Variants in MIPOL1 observed in about 807,000 individuals in gnomAD.
MIPOL1 encodes the protein mirror-image polydactyly gene 1 protein.
In MIPOL1, 57 loss-of-function variants were observed where a neutral mutation model predicts 60.9. That is an observed-to-expected ratio of 0.94 (90% CI 0.76 to 1.17). The LOEUF is 1.17. Among genes scored for constraint, MIPOL1 ranks in the 50% most tolerant of loss-of-function variants. The pLI, the probability that MIPOL1 is intolerant of heterozygous loss-of-function variation, is 0.00. For synonymous variants in MIPOL1, 179 were observed against 168.8 expected, an observed-to-expected ratio of 1.06 and a Z score of -0.47; for missense variants, 551 against 511.6, an observed-to-expected ratio of 1.08 and a Z score of -0.74.
intron 11 of MIPOL1, among the ~76,000 whole-genome samples, chr14:37,470,873 A>G (rs2094678863): frequency 6.6e-6 from 1 of 152,208 alleles, no homozygotes; most frequent in African/African-American, 2.4e-5. Flanking sequence ...AATTGGTCTC[A>G]GGTCAAATAA....
chr14:37,336,902 A>G (rs1217732478), intron 9 of MIPOL1, among the ~76,000 whole-genome samples: 2 of 151,954 alleles, frequency 1.3e-5, no homozygotes, highest in Non-Finnish European at 2.9e-5. Context: ...CTGGGACTAC[A>G]GTCACGCACC....
chr14:37,377,617 C>T (rs866177435), intron 10 of MIPOL1, among the ~76,000 whole-genome samples: 1 of 152,080 alleles, frequency 6.6e-6, no homozygotes, highest in Admixed American at 6.6e-5. Context: ...GTACTACCAT[C>T]CTTCTAGGCA....
intron 3 of MIPOL1, among the ~76,000 whole-genome samples, chr14:37,256,580 A>G (rs867829650): frequency 6.6e-6 from 1 of 152,016 alleles, no homozygotes; most frequent in African/African-American, 2.4e-5. Context: ...TAATGATTAC[A>G]GTTCAGCAAA....
At chr14:37,199,084 A>G (rs1226950164) in intron 1 of MIPOL1, among the ~76,000 whole-genome samples, 1 of 152,214 alleles carries the variant, frequency 6.6e-6, no homozygotes, top group African/African-American at 2.4e-5. Flanking sequence ...TTTTCCTTCA[A>G]AGGAGTAGAG....
intron 9 of MIPOL1, among the ~76,000 whole-genome samples, chr14:37,355,078 A>C (rs911616890): frequency 6.7e-6 from 1 of 148,238 alleles, no homozygotes; most frequent in Admixed American, 6.8e-5. Flanking sequence ...CACTTCCTTC[A>C]GGAGCTCTTT....
chr14:37,539,675 A>C (rs188240044), intron 12 of MIPOL1, among the ~76,000 whole-genome samples: 1 of 152,344 alleles, frequency 6.6e-6, no homozygotes, highest in Non-Finnish European at 1.5e-5. Context: ...AATTTTCTTA[A>C]CATTTTGACA....
intron 1 of MIPOL1, among the ~76,000 whole-genome samples, chr14:37,217,921 A>C (rs1968027663): frequency 6.6e-6 from 1 of 152,202 alleles, no homozygotes; most frequent in African/African-American, 2.4e-5. Context: ...ATATGCTCTT[A>C]GTACTATGGA....
At chr14:37,536,392 C>CT (rs1410540740) in intron 12 of MIPOL1, among the ~76,000 whole-genome samples, 3 of 152,110 alleles carry the variant, frequency 2.0e-5, no homozygotes, top group Non-Finnish European at 4.4e-5. Context: ...ATTTTGATAT[C>CT]TATCAATTGA....
At chr14:37,483,466 G>C (rs1413613793) in intron 11 of MIPOL1, among the ~76,000 whole-genome samples, 4 of 151,970 alleles carry the variant, frequency 2.6e-5, no homozygotes, top group Admixed American at 2.6e-4. Context: ...TCCATGGTTG[G>C]TTGAATCCAC....
At chr14:37,397,868 G>A (rs534641037) in intron 10 of MIPOL1, among the ~76,000 whole-genome samples, 22 of 152,226 alleles carry the variant, frequency 1.4e-4, no homozygotes, top group East Asian at 7.7e-4. Flanking sequence ...TGAGCAAGCC[G>A]GGCTTAAGAA....
chr14:37,252,032 AATAT>A (rs975540558), intron 3 of MIPOL1, among the ~76,000 whole-genome samples: 1 of 151,590 alleles, frequency 6.6e-6, no homozygotes, highest in Non-Finnish European at 1.5e-5. Flanking sequence ...CTATATTGTA[AATAT>A]ATATATATTT....
At chr14:37,464,906 A>T (rs1295980379) in intron 11 of MIPOL1, among the ~76,000 whole-genome samples, 1 of 152,094 alleles carries the variant, frequency 6.6e-6, no homozygotes, top group East Asian at 1.9e-4. Flanking sequence ...TTCCATGAGT[A>T]ATTGGTTACC....
intron 12 of MIPOL1, among the ~76,000 whole-genome samples, chr14:37,526,425 A>C (rs568483620): frequency 2.3e-4 from 34 of 144,712 alleles, no homozygotes; most frequent in African/African-American, 8.5e-4. Context: ...GCTCTAGTGC[A>C]GTGGCGCAAT....
rs142463443 is a variant in MIPOL1 at position 37,514,904 on chromosome 14, G to A, written c.1262+14766G>A. On this transcript the variant is annotated intron_variant, in intron 12 of 12. Transcript: ENST00000684589. ...TAGACACGTAGGTATACTAGGTACA[G>A]CTTTTATTCCCAAAATATAATTGGG... Among the ~76,000 whole-genome samples the A allele has an allele frequency of 7.0e-3, 1,067 of 152,258 alleles. 17 individuals are homozygous for A. Among genetic ancestry groups the A allele is most frequent in the African/African-American group, 0.023 (936 of 41,564 alleles).
At chr14:37,434,686 G>A (rs904110923) in intron 11 of MIPOL1, 6 of 152,088 alleles carry the variant, frequency 3.9e-5, no homozygotes, top group African/African-American at 1.4e-4. Context: ...GATTACAGGT[G>A]TGAGCCACCG....
chr14:37,199,814 C>T (rs1429530040), intron 1 of MIPOL1, among the ~76,000 whole-genome samples: 1 of 152,152 alleles, frequency 6.6e-6, no homozygotes, highest in African/African-American at 2.4e-5. Flanking sequence ...TGTGAACCAT[C>T]GCGCCTGGCC....
chr14:37,241,028 A>G (rs1972275504), intron 1 of MIPOL1, among the ~76,000 whole-genome samples: 1 of 152,126 alleles, frequency 6.6e-6, no homozygotes, highest in African/African-American at 2.4e-5. Context: ...CAAGATCTGC[A>G]GTCAGAAAGC....
intron 12 of MIPOL1, among the ~76,000 whole-genome samples, chr14:37,520,275 C>T (rs1253741958): frequency 6.6e-6 from 1 of 152,042 alleles, no homozygotes; most frequent in African/African-American, 2.4e-5. Flanking sequence ...GATTTGTATT[C>T]CCTGTTAATC....
At position 37,550,070 on chromosome 14, in the gene MIPOL1, A is replaced by T. The variant is rs1358816881; in HGVS notation, c.*3099A>T. 1.3e-5 allele frequency: 2 copies of T among 151,760 alleles called. No individual in the cohort carries two copies. Among genetic ancestry groups the T allele is most frequent in the Non-Finnish European group, 1.5e-5 (1 of 67,800 alleles). 9.4% of individuals were successfully genotyped at this position (151,760 alleles called of 1,614,324 possible). On this transcript the variant is annotated 3_prime_UTR_variant, in exon 13 of 13. Coordinates refer to ENST00000684589, the MANE Select transcript of MIPOL1 (RefSeq NM_001388067.1). The stretch of plus-strand genomic sequence containing the variant: ...ATGAGAATTTAAAATTTTATAAATA[A>T]GTTAGAAATTATTAATGTATTTTAA...
Sources: allele counts gnomAD v4.1 joint callset (sites outside exome capture counted in the v4.1 genomes callset), GRCh38; gene constraint gnomAD v4.1.1; transcripts MANE v1.5; gene names NCBI Gene and HGNC (gene_info 2026-07-23, HGNC 2026-07-21).